DSCAM: variants seen among roughly 807,000 people sequenced by gnomAD.
The protein encoded by DSCAM is cell adhesion molecule DSCAM.
Under a neutral mutation model 217.7 loss-of-function variants are expected in DSCAM, and 47 were observed. The ratio of observed to expected loss-of-function variants is 0.22; its 90% confidence interval spans 0.17 to 0.28. The LOEUF is 0.28. Among genes scored for constraint, DSCAM ranks in the 10% least tolerant of loss-of-function variants. The pLI is 1.00. For synonymous variants in DSCAM, 1,056 were observed against 1,015.3 expected (o/e 1.04, Z -0.76); for missense variants, 2,080 against 2,618.3 (o/e 0.79, Z 4.49).
chr21:40,099,915 G>A (rs1249644800), intron 20 of DSCAM, among the ~76,000 whole-genome samples: 1 of 152,196 alleles, frequency 6.6e-6, no homozygotes, highest in Non-Finnish European at 1.5e-5. Context: ...AGGACACAGA[G>A]CTTGGTAAGT....
intron 3 of DSCAM, among the ~76,000 whole-genome samples, chr21:40,588,142 C>T (rs1294804655): frequency 6.6e-6 from 1 of 152,146 alleles, no homozygotes; most frequent in African/African-American, 2.4e-5. Flanking sequence ...ATTACAGCCA[C>T]AGACCTTGGC....
In DSCAM at chr21:40,617,642, G is replaced by A. The variant is rs558199778; in HGVS notation, c.508+75168C>T. Among the ~76,000 whole-genome samples the A allele has an allele frequency of 5.9e-5, 9 of 152,302 alleles. No homozygotes were observed. In the South Asian group the frequency reaches 1.0e-3, roughly 18 times the overall value. On this transcript the variant is annotated intron_variant, in intron 3 of 32. Transcript: ENST00000400454. ...GAACATTCTATGCATCATAGTATGCGTAAGCAGCACCCCTGGTCCTTGCAC... is the reference window on the plus strand; with the variant it reads ...GAACATTCTATGCATCATAGTATGCATAAGCAGCACCCCTGGTCCTTGCAC...
intron 3 of DSCAM, among the ~76,000 whole-genome samples, chr21:40,523,821 T>A (rs1601714287): frequency 6.6e-6 from 1 of 151,508 alleles, no homozygotes; most frequent in Admixed American, 6.6e-5. Context: ...ACACACACAC[T>A]GGGGCCTCAG....
chr21:40,312,557 T>C (rs2074150971), intron 8 of DSCAM, among the ~76,000 whole-genome samples, 198 bp from the exon 9 acceptor site: 1 of 152,208 alleles, frequency 6.6e-6, no homozygotes, highest in Admixed American at 6.5e-5. Flanking sequence ...ATGGTTCAAT[T>C]TGTACTTCAG....
intron 3 of DSCAM, among the ~76,000 whole-genome samples, chr21:40,397,515 G>A (rs771354158): frequency 1.1e-4 from 17 of 152,134 alleles, no homozygotes; most frequent in Admixed American, 3.9e-4. Flanking sequence ...CATGCTTCCC[G>A]TACAGCCTAC....
rs2146569031 is a variant in DSCAM, at chr21:40,083,999, T to C, written c.4140A>G (p.Pro1380=). 3.1e-6 allele frequency: 5 copies of C among 1,611,830 alleles called. No individual in the cohort carries two copies. The highest frequency in any genetic ancestry group is 4.2e-6 in the Non-Finnish European group (5 of 1,179,318). The change falls in exon 24 of 33, where the codon CCA becomes CCG. Residue 1380 remains proline, a synonymous_variant. Transcript: ENST00000400454. ...IILNLQVQVP[P]DQPRLTVSKT... is the part of the protein sequence containing the mutation. ...TGGAGACTGTAAGCCGAGGCTGATC[T>C]GGTGGAACTGGAGAGGAAACAGTTT...
At chr21:40,480,403 C>T (rs933243403) in intron 3 of DSCAM, among the ~76,000 whole-genome samples, 1 of 152,176 alleles carries the variant, frequency 6.6e-6, no homozygotes, top group Non-Finnish European at 1.5e-5. Context: ...TCAGTGTGAA[C>T]AAATAACAGG....
intron 3 of DSCAM, among the ~76,000 whole-genome samples, chr21:40,574,994 C>T (rs1363293275): frequency 1.3e-5 from 2 of 150,582 alleles, no homozygotes; most frequent in East Asian, 2.0e-4. Context: ...GCTAAGCCAT[C>T]GCATCCCCTG....
chr21:40,344,803 T>G (rs2074540593), intron 6 of DSCAM, among the ~76,000 whole-genome samples: 1 of 152,198 alleles, frequency 6.6e-6, no homozygotes. Context: ...GCAACCTTAC[T>G]TTTATACCAA....
At chr21:40,360,017 T>C (rs74277141) in intron 4 of DSCAM, among the ~76,000 whole-genome samples, 5,433 of 152,050 alleles carry the variant, frequency 0.036, 511 homozygotes, top group East Asian at 0.3. Flanking sequence ...ATTTTAGATA[T>C]AGGCGGTATA....
intron 8 of DSCAM, among the ~76,000 whole-genome samples, chr21:40,328,723 T>C (rs1008293722): frequency 2.6e-5 from 4 of 151,976 alleles, no homozygotes; most frequent in African/African-American, 9.7e-5. Flanking sequence ...AAGGAAAGAA[T>C]ATATTTGCAA....
chr21:40,806,303 T>A (rs2091786576), intron 1 of DSCAM, among the ~76,000 whole-genome samples: 1 of 152,096 alleles, frequency 6.6e-6, no homozygotes. Flanking sequence ...CTCCACCAAG[T>A]GGGGAGTCAG....
intron 3 of DSCAM, among the ~76,000 whole-genome samples, chr21:40,658,444 C>G (rs551211413): frequency 1.2e-4 from 19 of 152,250 alleles, no homozygotes; most frequent in African/African-American, 3.6e-4. Flanking sequence ...AGAGTAAACA[C>G]CATGTTGAAA....
At chr21:40,617,949 A>G (rs1601792823) in intron 3 of DSCAM, among the ~76,000 whole-genome samples, 1 of 152,222 alleles carries the variant, frequency 6.6e-6, no homozygotes, top group Non-Finnish European at 1.5e-5. Context: ...GCACCCACCC[A>G]CTTTGCAACA....
intron 11 of DSCAM, among the ~76,000 whole-genome samples, chr21:40,209,983 G>A (rs2091166130): frequency 6.6e-6 from 1 of 152,128 alleles, no homozygotes; most frequent in South Asian, 2.1e-4. Context: ...TAAAAGTTAA[G>A]ACGTTTTATA....
chr21:40,125,483 TGA>T (rs1422087414), intron 19 of DSCAM, among the ~76,000 whole-genome samples: 2 of 152,290 alleles, frequency 1.3e-5, no homozygotes, highest in Admixed American at 1.3e-4. Context: ...GAGAAATCTG[TGA>T]GTCTTTTACT....
chr21:40,147,974 A>C (rs1366136453), intron 16 of DSCAM, among the ~76,000 whole-genome samples: 11 of 152,168 alleles, frequency 7.2e-5, no homozygotes, highest in Non-Finnish European at 5.9e-5. Flanking sequence ...GTAGATGACC[A>C]TCTTATTTTT....
At position 40,429,752 on chromosome 21, in the gene DSCAM, T is replaced by C. The variant is rs1325776302; in HGVS notation, c.509-60507A>G. Among the ~76,000 whole-genome samples, 3 of 152,254 alleles carry C rather than the reference T, an allele frequency of 2.0e-5. No individual in the cohort carries two copies. In the South Asian group the frequency reaches 6.2e-4, roughly 31 times the overall value. On this transcript the variant is annotated intron_variant, in intron 3 of 32. Transcript: ENST00000400454. ...GGCTTACTGCCTGGCACACAGTAAGTACTCATTAAGTGCTGGCTATTATTA... is the reference window on the plus strand; with the variant it reads ...GGCTTACTGCCTGGCACACAGTAAGCACTCATTAAGTGCTGGCTATTATTA...
At chr21:40,365,413 G>A (rs2123688333) in intron 4 of DSCAM, among the ~76,000 whole-genome samples, 1 of 152,300 alleles carries the variant, frequency 6.6e-6, no homozygotes, top group South Asian at 2.1e-4. Context: ...ACCACAGACT[G>A]AAGGGTGCAC....
Sources: allele counts gnomAD v4.1 joint callset (sites outside exome capture counted in the v4.1 genomes callset), GRCh38; gene constraint gnomAD v4.1.1; transcripts MANE v1.5; gene names NCBI Gene and HGNC (gene_info 2026-07-23, HGNC 2026-07-21).